The following UBN1 variants were observed in gnomAD, a reference collection of about 807,000 sequenced individuals.
UBN1 encodes the protein ubinuclein 1, also known as ubinuclein-1.
In UBN1, 17 loss-of-function variants were observed where a neutral mutation model predicts 108.5. The observed-to-expected ratio is 0.16, with a 90% CI of 0.11 to 0.24. The LOEUF is 0.24. UBN1 is among the 10% of genes least tolerant of loss of function. UBN1 has a pLI of 1.00. For synonymous variants in UBN1, 726 were observed against 564.2 expected (o/e 1.29, Z -4.07); for missense variants, 1,595 against 1,394.4 (o/e 1.14, Z -2.29).
chr16:4,854,848 G>A (rs959614646), intron 2 of UBN1, among the ~76,000 whole-genome samples: 1 of 151,598 alleles, frequency 6.6e-6, no homozygotes, highest in Admixed American at 6.6e-5. Flanking sequence ...TCAGCCTCTC[G>A]AGTAGCTGGG....
chr16:4,860,485 C>G (rs2087009064), intron 6 of UBN1, among the ~76,000 whole-genome samples, 179 bp from the exon 7 acceptor site: 1 of 152,208 alleles, frequency 6.6e-6, no homozygotes, highest in Admixed American at 6.5e-5. Context: ...TATTAACTCT[C>G]AAGCTTTGGT....
chr16:4,861,717 G>A (rs1002288485), intron 7 of UBN1, among the ~76,000 whole-genome samples: 10 of 152,204 alleles, frequency 6.6e-5, no homozygotes, highest in South Asian at 2.1e-4. Context: ...CGAGGTGGGC[G>A]GATCACCTGA....
chr16:4,854,159 G>A (rs1295688974), intron 2 of UBN1, among the ~76,000 whole-genome samples: 4 of 151,936 alleles, frequency 2.6e-5, no homozygotes, highest in Non-Finnish European at 5.9e-5. Flanking sequence ...TCAGCCTCCC[G>A]AGTAGCTGGG....
At position 4,877,499 on chromosome 16, in the gene UBN1, C is replaced by G. The variant is rs200661249; in HGVS notation, c.3355+25C>G. 4 of 1,595,394 alleles carry G rather than the reference C, an allele frequency of 2.5e-6. No homozygotes were observed. The East Asian group carries it at 9.0e-5, about 36-fold the overall frequency. On this transcript the variant is annotated intron_variant, in intron 17 of 17. Coordinates refer to ENST00000262376, the MANE Select transcript of UBN1 (RefSeq NM_001079514.3). This position sits in a 1 kb window ranked among gnomAD's most constrained non-coding sequence, Gnocchi z 4.3. ...GGTAATCACCCGACGGTCAGTGTGC[C>G]ACGCGCACCGTGTGCCTTTGCCCTC...
chr16:4,859,455 ATG>A (rs970446283), intron 5 of UBN1, among the ~76,000 whole-genome samples: 3 of 152,144 alleles, frequency 2.0e-5, no homozygotes. Context: ...GAATGAGGGA[ATG>A]TGTACCACTC....
intron 17 of UBN1, 126 bp from the exon 18 acceptor site, chr16:4,879,957 C>G: frequency 2.0e-6 from 2 of 1,008,856 alleles, no homozygotes; most frequent in Non-Finnish European, 3.1e-6. Context: ...TGTTTGAGCT[C>G]TAGAACACTC....
intron 13 of UBN1, 21 bp downstream of exon 13, chr16:4,872,955 A>T (rs375478909): frequency 1.6e-5 from 26 of 1,614,036 alleles, no homozygotes; most frequent in Non-Finnish European, 2.2e-5. Flanking sequence ...TGGTATTTTC[A>T]CATCTCGGGA....
At chr16:4,865,227 C>T (rs546261124) in intron 7 of UBN1, among the ~76,000 whole-genome samples, 19 of 152,300 alleles carry the variant, frequency 1.2e-4, no homozygotes, top group Admixed American at 2.6e-4. Flanking sequence ...GCAGTCGACT[C>T]TTCAGTATAA....
At chr16:4,870,696 C>T in intron 10 of UBN1, 62 bp downstream of exon 10, 3 of 1,602,540 alleles carry the variant, frequency 1.9e-6, no homozygotes, top group Non-Finnish European at 2.6e-6. Flanking sequence ...CCTCCCGTTT[C>T]TCGGTGTGTA....
Position 4,881,025 on chromosome 16 carries a change from G to T in UBN1, c.*893G>T, listed in dbSNP as rs751986916. Reference sequence around the variant, plus strand: ...ACACTTGCACATCATTATCTGTGCCGTCCTGACTAGAAGGTTGTCTGGGCC... The same window carrying T: ...ACACTTGCACATCATTATCTGTGCCTTCCTGACTAGAAGGTTGTCTGGGCC... On this transcript the variant is annotated 3_prime_UTR_variant, in exon 18 of 18. Transcript: ENST00000262376. The T allele has an allele frequency of 6.6e-6, 1 of 152,414 alleles. No homozygotes were observed. Among genetic ancestry groups the T allele is most frequent in the Non-Finnish European group, 1.5e-5 (1 of 68,040 alleles). 9.4% of individuals were successfully genotyped at this position (152,414 alleles called of 1,614,324 possible).
At position 4,875,109 on chromosome 16, in the gene UBN1, A is replaced by G. The variant is rs1467916328; in HGVS notation, c.2699A>G (p.Lys900Arg). The change falls in exon 15 of 18, where the codon AAG becomes AGG. Residue 900 changes from lysine to arginine, a missense_variant. By Grantham distance (26) the Lys-to-Arg change is conservative. This residue lies in a region of UBN1 where 1,398 missense variants were observed against 1,194.7 expected (regional missense o/e 1.17). Transcript: ENST00000262376. The part of the protein sequence containing the change: ...HSVSSAGSSY[K>R]NNPFASSISK... ...GTCAGCTCTGCAGGCTCATCTTACA[A>G]GAATAATCCCTTTGCCAGCTCAATC... is the stretch of plus-strand genomic sequence containing the variant. 7 of 1,614,196 alleles carry G rather than the reference A, an allele frequency of 4.3e-6. No individual in the cohort carries two copies. The South Asian group carries it at 7.7e-5, about 18-fold the overall frequency.
chr16:4,880,023 C>T, intron 17 of UBN1, 60 bp from the exon 18 acceptor site: 1 of 1,589,946 alleles, frequency 6.3e-7, no homozygotes, highest in Non-Finnish European at 8.6e-7. Flanking sequence ...GTTACTACTG[C>T]CTTAAGGAAA....
In UBN1 at chr16:4,880,216, T is replaced by C; in HGVS notation, c.*84T>C. 3 of 1,445,822 alleles carry C rather than the reference T, an allele frequency of 2.1e-6. No homozygotes were observed. The highest frequency in any genetic ancestry group is 2.9e-6 in the Non-Finnish European group (3 of 1,028,362). 89.6% of individuals were successfully genotyped at this position (1,445,822 alleles called of 1,614,324 possible). On this transcript the variant is annotated 3_prime_UTR_variant, in exon 18 of 18. Coordinates refer to ENST00000262376, the MANE Select transcript of UBN1 (RefSeq NM_001079514.3). Reference sequence around the variant, plus strand: ...CCCAGGATGTACACTCACTGCGCCCTTTCTGCTGCTTGGTGTTCTTCTGGA... The same window carrying C: ...CCCAGGATGTACACTCACTGCGCCCCTTCTGCTGCTTGGTGTTCTTCTGGA...
intron 1 of UBN1, among the ~76,000 whole-genome samples, chr16:4,848,867 G>A (rs1297021409): frequency 1.3e-5 from 2 of 152,196 alleles, no homozygotes; most frequent in Non-Finnish European, 2.9e-5. Flanking sequence ...TTGGGATGCC[G>A]AGGCGGGTGG....
intron 7 of UBN1, among the ~76,000 whole-genome samples, chr16:4,863,926 G>T (rs1057194093): frequency 2.4e-4 from 36 of 152,150 alleles, no homozygotes; most frequent in African/African-American, 7.7e-4. Flanking sequence ...TAGAGGCTAT[G>T]TGTATCACAT....
Position 4,853,048 on chromosome 16 carries a change from C to G in UBN1, c.131C>G (p.Ala44Gly), listed in dbSNP as rs377384312. 1 of 1,614,102 alleles carries G rather than the reference C, an allele frequency of 6.2e-7. No individual in the cohort carries two copies. The highest frequency in any genetic ancestry group is 8.5e-7 in the Non-Finnish European group (1 of 1,180,048). Reference sequence around the variant, plus strand: ...CAGGACTGTGAGCCGGCTGCAGCAGCTGTTCGGATTACACTCACCCTCTTT... The same window carrying G: ...CAGGACTGTGAGCCGGCTGCAGCAGGTGTTCGGATTACACTCACCCTCTTT... The part of the protein sequence containing the change: ...QHQDCEPAAA[A>G]VRITLTLFEP... Residue 44 changes from alanine to glycine, a missense_variant, in exon 2 of 18, where the codon GCT (alanine) becomes GGT (glycine). Transcript: ENST00000262376.
intron 12 of UBN1, 84 bp from the exon 13 acceptor site, chr16:4,872,800 G>T: frequency 6.7e-7 from 1 of 1,496,768 alleles, no homozygotes; most frequent in Non-Finnish European, 9.3e-7. Flanking sequence ...AGCTACTGAG[G>T]ACCAGGGACA....
intron 8 of UBN1, among the ~76,000 whole-genome samples, chr16:4,869,177 A>G (rs1355483888): frequency 2.6e-5 from 4 of 152,198 alleles, no homozygotes; most frequent in Non-Finnish European, 5.9e-5. Flanking sequence ...GGCCTGTTAG[A>G]AGAGGATTTC....
At chr16:4,866,676 C>CT (rs2087348767) in intron 7 of UBN1, among the ~76,000 whole-genome samples, 1 of 152,030 alleles carries the variant, frequency 6.6e-6, no homozygotes, top group African/African-American at 2.4e-5. Context: ...CCATGCCCAG[C>CT]TTTTTTTTGT....
Sources: allele counts gnomAD v4.1 joint callset (sites outside exome capture counted in the v4.1 genomes callset), GRCh38; gene constraint gnomAD v4.1.1; regional missense constraint gnomAD v4.1.1; non-coding constraint Gnocchi (gnomAD v3.1); transcripts MANE v1.5; gene names NCBI Gene and HGNC (gene_info 2026-07-23, HGNC 2026-07-21).